Variants in ACACB observed in about 807,000 individuals in gnomAD.
ACACB encodes the protein acetyl-CoA carboxylase beta, also known as acetyl-CoA carboxylase 2.
ACACB carries 209 observed loss-of-function variants against 278.8 expected under a neutral mutation model. The observed-to-expected ratio is 0.75, with a 90% confidence interval of 0.67 to 0.84. The LOEUF (loss-of-function observed/expected upper bound fraction) is 0.84, where lower values mean the gene tolerates loss of function less well. ACACB is among the 40% of genes least tolerant of loss of function. The probability of loss-of-function intolerance (pLI) is 0.00; values close to 1 mark genes in which losing one functional copy is unlikely to be tolerated. For synonymous variants in ACACB, 1,174 were observed against 1,285.6 expected, an observed-to-expected ratio of 0.91 and a Z score of 1.86; for missense variants, 2,850 against 3,269.0, an observed-to-expected ratio of 0.87 and a Z score of 3.13.
chr12:109,122,100 G>A (rs913583349), intron 1 of ACACB, among the ~76,000 whole-genome samples: 1 of 152,202 alleles, frequency 6.6e-6, no homozygotes, highest in Non-Finnish European at 1.5e-5. Flanking sequence ...ACGTAGAGGG[G>A]TCAGTGTGGC....
chr12:109,221,977 A>T (rs964120295), intron 24 of ACACB, among the ~76,000 whole-genome samples: 4 of 151,610 alleles, frequency 2.6e-5, no homozygotes, highest in East Asian at 1.9e-4. Flanking sequence ...CCACCTCCCA[A>T]GGGATGATCA....
chr12:109,153,060 C>T (rs1474940931), intron 2 of ACACB, among the ~76,000 whole-genome samples: 2 of 152,154 alleles, frequency 1.3e-5, no homozygotes, highest in Non-Finnish European at 2.9e-5. Flanking sequence ...GATCTCGGCT[C>T]ACTTAAACCT....
chr12:109,252,956 A>C, intron 42 of ACACB, 59 bp from the exon 43 acceptor site: 1 of 1,416,080 alleles, frequency 7.1e-7, no homozygotes, highest in Non-Finnish European at 9.3e-7. Context: ...ATGATTTCCA[A>C]ACAGGTGGTA....
At chr12:109,150,818 C>T (rs538451051) in intron 2 of ACACB, among the ~76,000 whole-genome samples, 4 of 152,130 alleles carry the variant, frequency 2.6e-5, no homozygotes, top group Non-Finnish European at 4.4e-5. Flanking sequence ...TATTTTTATG[C>T]GCCCCTGAGT....
At chr12:109,207,102 C>T (rs2045543831) in intron 20 of ACACB, among the ~76,000 whole-genome samples, 1 of 152,142 alleles carries the variant, frequency 6.6e-6, no homozygotes, top group Admixed American at 6.5e-5. Context: ...ACTATAGGTG[C>T]ACCCCACCAC....
chr12:109,198,313 A>G (rs1447643259), intron 17 of ACACB, among the ~76,000 whole-genome samples: 4 of 152,208 alleles, frequency 2.6e-5, no homozygotes, highest in Non-Finnish European at 4.4e-5. Context: ...TTGTTGAATC[A>G]TATCCACTGA....
intron 12 of ACACB, among the ~76,000 whole-genome samples, chr12:109,186,547 G>A (rs941811941): frequency 2.0e-5 from 3 of 151,872 alleles, no homozygotes; most frequent in Non-Finnish European, 2.9e-5. Context: ...GCCTTACTTG[G>A]GTCTTAAAAA....
At chr12:109,168,142 C>A in intron 4 of ACACB, 108 bp downstream of exon 4, 2 of 1,198,546 alleles carry the variant, frequency 1.7e-6, no homozygotes, top group Non-Finnish European at 2.3e-6. Flanking sequence ...TGGTCAGGAC[C>A]TCTCATGAGT....
chr12:109,163,310 G>C (rs1288968657), intron 2 of ACACB, among the ~76,000 whole-genome samples: 1 of 152,212 alleles, frequency 6.6e-6, no homozygotes, highest in Non-Finnish European at 1.5e-5. Context: ...CGCTGGAGAA[G>C]AGAAGTTTAA....
chr12:109,256,258 G>T (rs774939148), intron 45 of ACACB, 22 bp downstream of exon 45: 4 of 1,606,412 alleles, frequency 2.5e-6, no homozygotes. Flanking sequence ...GACGGGAGCA[G>T]GCTGCCCATG....
intron 18 of ACACB, 105 bp downstream of exon 18, chr12:109,199,657 G>A (rs1278200916): frequency 8.5e-7 from 1 of 1,170,846 alleles, no homozygotes; most frequent in African/African-American, 1.6e-5. Flanking sequence ...CTTGACCACT[G>A]TCTGCAAATT....
intron 22 of ACACB, among the ~76,000 whole-genome samples, chr12:109,215,777 T>G (rs1253376686): frequency 2.6e-5 from 4 of 151,266 alleles, no homozygotes; most frequent in Non-Finnish European, 5.9e-5. Flanking sequence ...AAAAAAAAAA[T>G]GTATTTTTAA....
chr12:109,180,837 T>G (rs2044441535), intron 11 of ACACB, among the ~76,000 whole-genome samples: 1 of 152,228 alleles, frequency 6.6e-6, no homozygotes, highest in South Asian at 2.1e-4. Flanking sequence ...AATTATACTC[T>G]TTTAGTTAAT....
rs1472489360 is a variant in ACACB, at chr12:109,246,340, C to A, written c.5463C>A (p.Gly1821=). The A allele has an allele frequency of 6.2e-7, 1 of 1,612,810 alleles. No individual in the cohort carries two copies. Among genetic ancestry groups the A allele is most frequent in the African/African-American group, 1.3e-5 (1 of 74,460 alleles). Residue 1821 remains glycine, a synonymous_variant, in exon 39 of 53, where the codon GGC becomes GGA. Transcript: ENST00000338432. ...LRASEMARAE[G]IPKIYVAANS... is the part of the protein sequence containing the mutation. ...CATCCGAGATGGCCCGGGCAGAGGG[C>A]ATTCCCAAAATTTACGTGGCAGCCA... is the stretch of plus-strand genomic sequence containing the variant.
chr12:109,126,683 C>T (rs879257777), intron 1 of ACACB, among the ~76,000 whole-genome samples: 1 of 151,572 alleles, frequency 6.6e-6, no homozygotes, highest in South Asian at 2.1e-4. Flanking sequence ...GACCTTGTCT[C>T]TACACACACA....
At chr12:109,178,613 C>T (rs934174313) in intron 9 of ACACB, among the ~76,000 whole-genome samples, 13 of 152,090 alleles carry the variant, frequency 8.5e-5, no homozygotes, top group Non-Finnish European at 1.5e-4. Context: ...ATTGGGCTGG[C>T]GGTGCAGCTG....
At chr12:109,241,520 G>A in intron 36 of ACACB, 2 of 491,062 alleles carry the variant, frequency 4.1e-6, no homozygotes, top group Non-Finnish European at 7.4e-6. Context: ...TGGCCATGTT[G>A]GATTTTTGAT....
At chr12:109,201,530 G>T (rs374562403) in intron 18 of ACACB, 37 bp from the exon 19 acceptor site, 1 of 1,608,902 alleles carries the variant, frequency 6.2e-7, no homozygotes, top group African/African-American at 1.3e-5. Context: ...TGTCAATCCC[G>T]GTGGGCTCTG....
intron 18 of ACACB, among the ~76,000 whole-genome samples, chr12:109,200,063 A>T (rs2045284301): frequency 6.6e-6 from 1 of 151,738 alleles, no homozygotes; most frequent in African/African-American, 2.4e-5. Context: ...CAAAAAATGC[A>T]CATCTCCCCA....
Sources: gnomAD v4.1 joint callset for allele counts (sites outside exome capture counted in the v4.1 genomes callset) on GRCh38, gnomAD v4.1.1 for gene constraint, MANE v1.5 for transcripts, NCBI Gene and HGNC (gene_info 2026-07-23, HGNC 2026-07-21) for gene names.